The following GOLPH3 variants were observed in gnomAD, a reference collection of about 807,000 sequenced individuals.
GOLPH3 encodes the protein coat protein GPP34.
In GOLPH3, 14 loss-of-function variants were observed where a neutral mutation model predicts 28.5. The observed-to-expected ratio is 0.49, with a 90% CI of 0.32 to 0.77. The LOEUF is 0.77. GOLPH3 is among the 30% of genes least tolerant of loss of function. GOLPH3 has a pLI of 0.03. For missense variants in GOLPH3, 350 were observed against 393.7 expected (o/e 0.89, Z 0.94); for synonymous variants, 158 against 159.2 (o/e 0.99, Z 0.06).
intron 3 of GOLPH3, among the ~76,000 whole-genome samples, chr5:32,131,378 CG>C (rs1468611351): frequency 6.6e-6 from 1 of 152,094 alleles, no homozygotes; most frequent in Non-Finnish European, 1.5e-5. Flanking sequence ...CTGAGTTTAG[CG>C]TAAGTAAGAC....
rs1245176034 is a variant in GOLPH3 at position 32,173,802 on chromosome 5, G to C, written c.225+8C>G. Reference sequence around the variant, plus strand: ...CGCCGCCCCCCGCCCAGCCCGCCGCGCCCGCACCTCGCGGTCCTTGAGGCC... The same window carrying C: ...CGCCGCCCCCCGCCCAGCCCGCCGCCCCCGCACCTCGCGGTCCTTGAGGCC... On this transcript the variant is annotated splice_region_variant and intron_variant, in intron 1 of 3. Coordinates refer to ENST00000265070, the MANE Select transcript of GOLPH3 (RefSeq NM_022130.4). The C allele has an allele frequency of 7.1e-7, 1 of 1,407,450 alleles. No homozygotes were observed. The highest frequency in any genetic ancestry group is 9.2e-7 in the Non-Finnish European group (1 of 1,083,652). 87.2% of individuals were successfully genotyped at this position (1,407,450 alleles called of 1,614,324 possible).
intron 1 of GOLPH3, among the ~76,000 whole-genome samples, chr5:32,167,949 G>C (rs1229075130): frequency 6.6e-6 from 1 of 151,908 alleles, no homozygotes; most frequent in Non-Finnish European, 1.5e-5. Flanking sequence ...GCTAGGCCCT[G>C]TCTCAAAAGA....
chr5:32,143,399 G>A (rs370560651), intron 2 of GOLPH3, among the ~76,000 whole-genome samples: 1 of 151,552 alleles, frequency 6.6e-6, no homozygotes, highest in South Asian at 2.1e-4. Context: ...CTATTGTCCT[G>A]TGACCCTGCC....
intron 2 of GOLPH3, among the ~76,000 whole-genome samples, chr5:32,137,047 C>T (rs1323052435): frequency 6.6e-6 from 1 of 151,868 alleles, no homozygotes; most frequent in Non-Finnish European, 1.5e-5. Flanking sequence ...AAACCTCTGC[C>T]CTCCCCGGTA....
intron 1 of GOLPH3, among the ~76,000 whole-genome samples, chr5:32,146,758 A>G (rs1233204857): frequency 1.3e-5 from 2 of 152,230 alleles, no homozygotes; most frequent in African/African-American, 4.8e-5. Flanking sequence ...GAAAATGCTC[A>G]TAATATATAT....
intron 1 of GOLPH3, among the ~76,000 whole-genome samples, chr5:32,148,898 C>T (rs925577398): frequency 6.6e-6 from 1 of 152,156 alleles, no homozygotes; most frequent in Non-Finnish European, 1.5e-5. Flanking sequence ...CTGCTTGAAC[C>T]TGGGAGGCAG....
intron 2 of GOLPH3, among the ~76,000 whole-genome samples, chr5:32,141,227 CTTA>C (rs1746053632): frequency 6.6e-6 from 1 of 151,314 alleles, no homozygotes; most frequent in African/African-American, 2.4e-5. Flanking sequence ...TTCTCTATAG[CTTA>C]TTAATCAAGA....
intron 1 of GOLPH3, among the ~76,000 whole-genome samples, chr5:32,156,605 C>T (rs1041316040): frequency 1.3e-5 from 2 of 152,102 alleles, no homozygotes; most frequent in African/African-American, 4.8e-5. Flanking sequence ...ATTTTTTCCA[C>T]GGACTGGAGC....
At position 32,128,085 on chromosome 5, in the gene GOLPH3, G is replaced by T. The variant is rs369226470; in HGVS notation, c.473-1449C>A. The stretch of plus-strand genomic sequence containing the variant: ...AAGGGGGACCTACACAGATAAAGAG[G>T]TCTAGAAATCTGCAAGGTGTTCCTT... On this transcript the variant is annotated intron_variant, in intron 3 of 3. Transcript: ENST00000265070. Among the ~76,000 whole-genome samples, 5 of 152,298 alleles carry T rather than the reference G, an allele frequency of 3.3e-5. No homozygotes were observed. In the East Asian group the frequency reaches 5.8e-4, roughly 18 times the overall value.
At chr5:32,168,501 G>A (rs1269510736) in intron 1 of GOLPH3, among the ~76,000 whole-genome samples, 1 of 152,140 alleles carries the variant, frequency 6.6e-6, no homozygotes, top group Non-Finnish European at 1.5e-5. Flanking sequence ...TTGTCTACAA[G>A]CATTAGAAAC....
chr5:32,150,470 G>C (rs1746280263), intron 1 of GOLPH3, among the ~76,000 whole-genome samples: 2 of 149,494 alleles, frequency 1.3e-5, no homozygotes, highest in African/African-American at 4.9e-5. Context: ...AGCAACATAT[G>C]TAGGGAACAG....
chr5:32,173,773 G>C, intron 1 of GOLPH3, 37 bp downstream of exon 1: 1 of 1,306,008 alleles, frequency 7.7e-7, no homozygotes, highest in Non-Finnish European at 9.7e-7. Flanking sequence ...CCCGGGCCCC[G>C]CGCCGCCGCC....
Position 32,126,550 on chromosome 5 carries a change from A to G in GOLPH3, c.559T>C (p.Leu187=). The change falls in exon 4 of 4, where the codon TTG becomes CTG. Residue 187 remains leucine (L), a synonymous_variant. Transcript: ENST00000265070. ...AGGAAGTTCTGTTTCTCTGTTGTCA[A>G]TACACCCTTTTCCACCAGGTTTTTA... ...LAKNLVEKGV[L]TTEKQNFLLF... is the part of the protein sequence containing the mutation. The G allele has an allele frequency of 6.2e-7, 1 of 1,614,138 alleles. No homozygotes were observed. Among genetic ancestry groups the G allele is most frequent in the Non-Finnish European group, 8.5e-7 (1 of 1,180,010 alleles).
chr5:32,155,303 A>C (rs1746395122), intron 1 of GOLPH3, among the ~76,000 whole-genome samples: 1 of 152,108 alleles, frequency 6.6e-6, no homozygotes. Flanking sequence ...TGCCCACCTC[A>C]GCCTCCTGAG....
chr5:32,141,074 A>G (rs568215009), intron 2 of GOLPH3, among the ~76,000 whole-genome samples: 4 of 151,858 alleles, frequency 2.6e-5, no homozygotes, highest in African/African-American at 9.7e-5. Flanking sequence ...GAGGCACGTA[A>G]ATCACTTGAA....
chr5:32,171,403 G>C (rs1189104719), intron 1 of GOLPH3, among the ~76,000 whole-genome samples: 2 of 152,062 alleles, frequency 1.3e-5, no homozygotes, highest in African/African-American at 4.8e-5. Context: ...GCTTGATTTA[G>C]AGTAACATGT....
At chr5:32,135,205 T>A (rs1388293109) in intron 3 of GOLPH3, among the ~76,000 whole-genome samples, 1 of 152,232 alleles carries the variant, frequency 6.6e-6, no homozygotes, top group Non-Finnish European at 1.5e-5. Flanking sequence ...GAGGATGAGG[T>A]AGCCTGTGAC....
chr5:32,141,698 C>T (rs1364323724), intron 2 of GOLPH3, among the ~76,000 whole-genome samples: 3 of 152,210 alleles, frequency 2.0e-5, no homozygotes, highest in Non-Finnish European at 4.4e-5. Context: ...CTGCAACCTC[C>T]CTGCCTGATT....
chr5:32,169,418 A>T (rs1174370654), intron 1 of GOLPH3, among the ~76,000 whole-genome samples: 1 of 152,228 alleles, frequency 6.6e-6, no homozygotes, highest in East Asian at 1.9e-4. Flanking sequence ...TTATACATGA[A>T]AACACTGAAG....
Sources: gnomAD v4.1 joint callset for allele counts (sites outside exome capture counted in the v4.1 genomes callset) on GRCh38, gnomAD v4.1.1 for gene constraint, MANE v1.5 for transcripts, NCBI Gene and HGNC (gene_info 2026-07-23, HGNC 2026-07-21) for gene names.